Variants in GPC1 observed in about 807,000 individuals in gnomAD.
GPC1 encodes the protein glypican 1, also known as glypican-1.
A neutral mutation model predicts 51.5 loss-of-function variants in GPC1; 26 were observed. That is an observed-to-expected ratio of 0.50 (90% CI 0.37 to 0.70). The LOEUF is 0.70. Ranked by LOEUF, GPC1 falls within the 30% of genes least tolerant of loss-of-function variation. The pLI is 0.00. For missense variants in GPC1, 775 were observed against 800.5 expected, an observed-to-expected ratio of 0.97 and a Z score of 0.38; for synonymous variants, 380 against 348.3, an observed-to-expected ratio of 1.09 and a Z score of -1.01.
chr2:240,440,268 G>A (rs922373396), intron 1 of GPC1, among the ~76,000 whole-genome samples: 1 of 152,224 alleles, frequency 6.6e-6, no homozygotes, highest in Non-Finnish European at 1.5e-5. Context: ...CCCGGCTTGT[G>A]GAGCGTTTCC....
chr2:240,459,015 G>A lies in GPC1; in HGVS notation c.167-15G>A, dbSNP rs1370801250. 2 of 1,611,054 alleles carry A rather than the reference G, an allele frequency of 1.2e-6. No homozygotes were observed. The highest frequency in any genetic ancestry group is 8.5e-7 in the Non-Finnish European group (1 of 1,178,742). The stretch of plus-strand genomic sequence containing the variant: ...TGTCCCAGCCCCTCTCCCTCACACT[G>A]GCCTTTCCCCACAGGTGAGCACCTG... On this transcript the variant is annotated splice_polypyrimidine_tract_variant and intron_variant, in intron 1 of 8. Coordinates refer to ENST00000264039, the MANE Select transcript of GPC1 (RefSeq NM_002081.3).
Position 240,459,076 on chromosome 2 carries a change from C to A in GPC1, c.213C>A (p.Ser71Arg). Residue 71 changes from serine to arginine, a missense_variant, in exon 2 of 9, where the codon AGC becomes AGA. Physicochemically the swap from Ser to Arg is moderately radical, Grantham distance 110. Transcript: ENST00000264039. ...ICPQGYTCCT[S>R]EMEENLANRS... The stretch of plus-strand genomic sequence containing the variant: ...CCCAGGGCTACACCTGCTGCACCAG[C>A]GAGATGGAGGAGAACCTGGCCAACC... 6.2e-7 allele frequency: 1 copy of A among 1,612,870 alleles called. No individual in the cohort carries two copies. Among genetic ancestry groups the A allele is most frequent in the Non-Finnish European group, 8.5e-7 (1 of 1,179,878 alleles).
intron 1 of GPC1, chr2:240,449,605 G>A (rs998667925): frequency 4.1e-5 from 11 of 268,648 alleles, no homozygotes; most frequent in African/African-American, 2.2e-4. Context: ...TTTCAGTGGC[G>A]TTCAGTCCAT....
Position 240,462,177 on chromosome 2 carries a change from C to T in GPC1, c.326-14C>T. On this transcript the variant is annotated splice_polypyrimidine_tract_variant and intron_variant, in intron 2 of 8. Transcript: ENST00000264039. ...GGAAACATGGTCCCGATCACGCCCCCTCCCTGTGCGCAGACCACTTCCAGC... is the reference window on the plus strand; with the variant it reads ...GGAAACATGGTCCCGATCACGCCCCTTCCCTGTGCGCAGACCACTTCCAGC... 3.8e-6 allele frequency: 6 copies of T among 1,564,478 alleles called. No homozygotes were observed. The highest frequency in any genetic ancestry group is 5.2e-6 in the Non-Finnish European group (6 of 1,151,304).
At position 240,465,466 on chromosome 2, in the gene GPC1, C is replaced by T. The variant is rs148790402; in HGVS notation, c.1269-7C>T. On this transcript the variant is annotated splice_polypyrimidine_tract_variant and splice_region_variant and intron_variant, in intron 7 of 8. Transcript: ENST00000264039. ...AGTGACCTGGGCTCTGCCTGCCTTT[C>T]CCCCAGGTACCTCCCCGAGGTCATG... The T allele has an allele frequency of 1.2e-6, 2 of 1,612,222 alleles. No homozygotes were observed. Among genetic ancestry groups the T allele is most frequent in the Non-Finnish European group, 8.5e-7 (1 of 1,179,398 alleles).
chr2:240,454,984 A>C, intron 1 of GPC1: 1 of 224,536 alleles, frequency 4.5e-6, no homozygotes, highest in Non-Finnish European at 1.0e-5. Flanking sequence ...CGGGGTGGGG[A>C]CATGTCAGCA....
At chr2:240,464,261 A>T in intron 4 of GPC1, 2 of 325,262 alleles carry the variant, frequency 6.1e-6, no homozygotes, top group South Asian at 3.0e-5. Context: ...ACACGGGCTC[A>T]TGTGCACACA....
chr2:240,445,428 C>T (rs1386137415), intron 1 of GPC1, among the ~76,000 whole-genome samples: 1 of 152,164 alleles, frequency 6.6e-6, no homozygotes, highest in East Asian at 1.9e-4. Context: ...TGGAGGTGCC[C>T]TTCCACAAAC....
rs1472905062 is a variant in GPC1 at position 240,464,756 on chromosome 2, G to A, written c.1014+10G>A. The A allele has an allele frequency of 6.2e-7, 1 of 1,602,680 alleles. No individual in the cohort carries two copies. Among genetic ancestry groups the A allele is most frequent in the Non-Finnish European group, 8.5e-7 (1 of 1,174,968 alleles). ...CACGCTCACGGCCAAGGTGCGGGCA[G>A]GAGGACGTGACGAGCACAGCGGGGT... On this transcript the variant is annotated intron_variant, in intron 5 of 8. Transcript: ENST00000264039.
chr2:240,450,542 G>A (rs534337941), intron 1 of GPC1: 10 of 463,706 alleles, frequency 2.2e-5, no homozygotes, highest in East Asian at 2.1e-4. Flanking sequence ...AACCCCCTGC[G>A]AGGCCCATAG....
At chr2:240,438,404 T>C (rs2073997076) in intron 1 of GPC1, among the ~76,000 whole-genome samples, 1 of 152,182 alleles carries the variant, frequency 6.6e-6, no homozygotes, top group African/African-American at 2.4e-5. Context: ...CCCTCCTGCT[T>C]TGTCGGCTGG....
At chr2:240,464,571 GCGCGCGTTAACGCCTGTGTGTC>G (rs768973495) in intron 4 of GPC1, 23 bp from the exon 5 acceptor site, 3 of 292,804 alleles carry the variant, frequency 1.0e-5, no homozygotes, top group Non-Finnish European at 1.5e-5. Flanking sequence ...ACGCCTGTGT[GCGCGCGTTAACGCCTGTGTGTC>G]CGCGTGTTAA....
intron 1 of GPC1, chr2:240,450,374 G>A: frequency 5.7e-6 from 2 of 347,850 alleles, no homozygotes; most frequent in South Asian, 4.3e-5. Context: ...AGGGCAGGCT[G>A]CAGGGTTGGG....
chr2:240,445,382 G>T (rs944235064), intron 1 of GPC1, among the ~76,000 whole-genome samples: 1 of 152,188 alleles, frequency 6.6e-6, no homozygotes, highest in Non-Finnish European at 1.5e-5. Flanking sequence ...CTGGTGTTTA[G>T]TGGGTGGGGC....
At chr2:240,453,610 C>G (rs1269518098) in intron 1 of GPC1, among the ~76,000 whole-genome samples, 1 of 141,480 alleles carries the variant, frequency 7.1e-6, no homozygotes, top group Non-Finnish European at 1.6e-5. Flanking sequence ...GCGGCGCCCC[C>G]CTCCCCTCGC....
intron 1 of GPC1, among the ~76,000 whole-genome samples, chr2:240,439,017 C>T (rs1041170935): frequency 1.3e-5 from 2 of 152,218 alleles, no homozygotes; most frequent in African/African-American, 4.8e-5. Context: ...TGCCAGCAGG[C>T]CTCCTGCTTT....
At chr2:240,441,298 G>A (rs1230848933) in intron 1 of GPC1, among the ~76,000 whole-genome samples, 1 of 152,264 alleles carries the variant, frequency 6.6e-6, no homozygotes, top group African/African-American at 2.4e-5. Context: ...TCAGCCATGG[G>A]CTGGCACTAG....
chr2:240,447,947 G>A (rs2074062935), intron 1 of GPC1, among the ~76,000 whole-genome samples: 2 of 152,156 alleles, frequency 1.3e-5, no homozygotes, highest in Admixed American at 1.3e-4. Context: ...CTCACAGCAC[G>A]CAGTGTCGGC....
rs1466376233 is a variant in GPC1 at position 240,448,748 on chromosome 2, A to G, written c.167-10282A>G. On this transcript the variant is annotated intron_variant, in intron 1 of 8. Transcript: ENST00000264039. This position sits in a 1 kb window ranked among gnomAD's most constrained non-coding sequence, Gnocchi z 4.5. The stretch of plus-strand genomic sequence containing the variant: ...CTGTGTGACCAGCAGCGTGACCGGC[A>G]GTTATCCCTCCCCGGACGTGGCCTT... Among the ~76,000 whole-genome samples the G allele has an allele frequency of 6.6e-6, 1 of 151,914 alleles. No individual in the cohort carries two copies. Among genetic ancestry groups the G allele is most frequent in the Non-Finnish European group, 1.5e-5 (1 of 67,942 alleles).
Sources: allele counts gnomAD v4.1 joint callset (sites outside exome capture counted in the v4.1 genomes callset), GRCh38; gene constraint gnomAD v4.1.1; non-coding constraint Gnocchi (gnomAD v3.1); transcripts MANE v1.5; gene names NCBI Gene and HGNC (gene_info 2026-07-23, HGNC 2026-07-21).